Variants in LRRIQ3 observed in about 807,000 individuals in gnomAD.
LRRIQ3 encodes the protein leucine rich repeats and IQ motif containing 3.
A neutral mutation model predicts 59.3 loss-of-function variants in LRRIQ3; 75 were observed. The ratio of observed to expected loss-of-function variants is 1.26; its 90% confidence interval spans 1.05 to 1.53. LRRIQ3 has a LOEUF of 1.53. Among genes scored for constraint, LRRIQ3 ranks in the 40% most tolerant of loss-of-function variants. The pLI is 0.00. For synonymous variants in LRRIQ3, 250 were observed against 231.3 expected (o/e 1.08, Z -0.73); for missense variants, 831 against 710.0 (o/e 1.17, Z -1.94).
chr1:74,112,518 A>G (rs548516413), intron 4 of LRRIQ3, among the ~76,000 whole-genome samples: 1 of 152,276 alleles, frequency 6.6e-6, no homozygotes, highest in East Asian at 1.9e-4. Context: ...CCAACATAAA[A>G]TGAATCAGAC....
chr1:74,080,710 T>C (rs1040573451), intron 5 of LRRIQ3, among the ~76,000 whole-genome samples: 1 of 151,740 alleles, frequency 6.6e-6, no homozygotes, highest in Non-Finnish European at 1.5e-5. Flanking sequence ...AAAGAGATTA[T>C]ACTAAAACTC....
intron 7 of LRRIQ3, among the ~76,000 whole-genome samples, chr1:74,027,419 C>A (rs1389926671): frequency 6.6e-6 from 1 of 151,968 alleles, no homozygotes; most frequent in Non-Finnish European, 1.5e-5. Context: ...ATGGGTAGGT[C>A]CTAATCCAAT....
intron 3 of LRRIQ3, among the ~76,000 whole-genome samples, chr1:74,174,228 GTCTC>G (rs968159416): frequency 2.7e-5 from 4 of 148,992 alleles, no homozygotes; most frequent in African/African-American, 5.0e-5. Context: ...TTTTCTTTTC[GTCTC>G]TCTGACTGGA....
chr1:74,141,697 A>C (rs1000762852), intron 4 of LRRIQ3, among the ~76,000 whole-genome samples: 18 of 151,822 alleles, frequency 1.2e-4, no homozygotes, highest in African/African-American at 4.3e-4. Context: ...TTTTTACAAC[A>C]ATTTTATGTC....
intron 4 of LRRIQ3, among the ~76,000 whole-genome samples, chr1:74,116,898 C>T (rs1032473161): frequency 1.3e-5 from 2 of 151,948 alleles, no homozygotes; most frequent in African/African-American, 2.4e-5. Flanking sequence ...ATAATTCAAA[C>T]GATTATTAAT....
chr1:74,047,192 C>A (rs1654230795), intron 6 of LRRIQ3, among the ~76,000 whole-genome samples: 1 of 152,064 alleles, frequency 6.6e-6, no homozygotes, highest in African/African-American at 2.4e-5. Flanking sequence ...GGAACCAACC[C>A]AAATGCCCAT....
chr1:74,167,817 C>A (rs1345719859), intron 3 of LRRIQ3, among the ~76,000 whole-genome samples: 2 of 151,906 alleles, frequency 1.3e-5, no homozygotes, highest in African/African-American at 4.8e-5. Context: ...AAAATAAACA[C>A]ACACACACAC....
rs1387842840 is a variant in LRRIQ3 at position 74,183,590 on chromosome 1, A to G, written c.95T>C (p.Phe32Ser). The G allele has an allele frequency of 3.7e-6, 6 of 1,612,026 alleles. No homozygotes were observed. In the South Asian group the frequency reaches 4.4e-5, roughly 12 times the overall value. Reference protein sequence around the residue: ...NIREGQKDFVFVKFNGLHLKS... With the variant: ...NIREGQKDFVSVKFNGLHLKS... ...TAAATGAAGGCCATTGAACTTCACA[A>G]AAACAAAATCTTTTTGACCTTCTCT... The change falls in exon 2 of 8, where the codon TTT becomes TCT. Residue 32 changes from phenylalanine (F) to serine (S), a missense_variant. Transcript: ENST00000354431.
chr1:74,104,413 G>C (rs796199343), intron 5 of LRRIQ3, among the ~76,000 whole-genome samples: 23 of 152,032 alleles, frequency 1.5e-4, no homozygotes, highest in African/African-American at 5.5e-4. Context: ...ATTCATAATT[G>C]CCAAGACTTG....
intron 4 of LRRIQ3, among the ~76,000 whole-genome samples, chr1:74,125,475 T>A (rs1025606773): frequency 6.6e-6 from 1 of 151,856 alleles, no homozygotes; most frequent in African/African-American, 2.4e-5. Flanking sequence ...TCAGTCTGAA[T>A]CTAGCTGTAG....
At chr1:74,140,030 A>G (rs2100634283) in intron 4 of LRRIQ3, among the ~76,000 whole-genome samples, 1 of 151,798 alleles carries the variant, frequency 6.6e-6, no homozygotes, top group East Asian at 1.9e-4. Flanking sequence ...TTTACAGAAC[A>G]GGAGAGAAAA....
At chr1:74,176,423 TA>T (rs1207235835) in intron 3 of LRRIQ3, among the ~76,000 whole-genome samples, 5 of 152,282 alleles carry the variant, frequency 3.3e-5, no homozygotes, top group South Asian at 2.1e-4. Flanking sequence ...TTAATTAAGA[TA>T]TTTTTTGGCA....
intron 4 of LRRIQ3, 146 bp from the exon 5 acceptor site, chr1:74,109,699 A>G (rs1301516167): frequency 2.6e-5 from 15 of 575,968 alleles, no homozygotes; most frequent in South Asian, 2.3e-4. Context: ...GTGTTATATA[A>G]TGCTACTTAG....
intron 4 of LRRIQ3, among the ~76,000 whole-genome samples, chr1:74,140,545 T>C (rs1647216387): frequency 2.0e-5 from 3 of 151,886 alleles, no homozygotes; most frequent in African/African-American, 7.2e-5. Flanking sequence ...AATAGAATAG[T>C]TGAACACCAC....
At chr1:74,175,591 T>C (rs1649591777) in intron 3 of LRRIQ3, among the ~76,000 whole-genome samples, 1 of 152,164 alleles carries the variant, frequency 6.6e-6, no homozygotes, top group South Asian at 2.1e-4. Context: ...TTTTATCCTT[T>C]TAACATTCTT....
chr1:74,037,845 T>G (rs1653919013), intron 7 of LRRIQ3, among the ~76,000 whole-genome samples: 1 of 152,086 alleles, frequency 6.6e-6, no homozygotes, highest in Non-Finnish European at 1.5e-5. Context: ...TCCATGGAAC[T>G]GTGCAACCCA....
At chr1:74,101,848 G>T (rs1646537586) in intron 5 of LRRIQ3, among the ~76,000 whole-genome samples, 1 of 152,010 alleles carries the variant, frequency 6.6e-6, no homozygotes, top group Non-Finnish European at 1.5e-5. Flanking sequence ...TCATAGATGG[G>T]AATTGAACAA....
intron 7 of LRRIQ3, among the ~76,000 whole-genome samples, chr1:74,029,817 C>A (rs1045388400): frequency 2.0e-5 from 3 of 152,020 alleles, no homozygotes; most frequent in African/African-American, 7.2e-5. Flanking sequence ...GGCTGTGAAT[C>A]CATCTGGTCC....
intron 6 of LRRIQ3, among the ~76,000 whole-genome samples, chr1:74,045,265 T>C (rs965245404): frequency 2.0e-5 from 3 of 152,062 alleles, no homozygotes; most frequent in Non-Finnish European, 2.9e-5. Context: ...TATCCACCAC[T>C]ATCAAGTCAG....
Sources: allele counts gnomAD v4.1 joint callset (sites outside exome capture counted in the v4.1 genomes callset), GRCh38; gene constraint gnomAD v4.1.1; transcripts MANE v1.5; gene names NCBI Gene and HGNC (gene_info 2026-07-23, HGNC 2026-07-21).